The following PLCXD1 variants were observed in gnomAD, a reference collection of about 807,000 sequenced individuals.
The protein encoded by PLCXD1 is PI-PLC X domain-containing protein 1.
In PLCXD1, 45 loss-of-function variants were observed where a neutral mutation model predicts 37.8. The observed-to-expected ratio is 1.19, with a 90% CI of 0.94 to 1.53. The LOEUF (loss-of-function observed/expected upper bound fraction) is 1.53. Ranked by LOEUF, PLCXD1 falls within the 40% of genes most tolerant of loss-of-function variation. PLCXD1 has a pLI of 0.00. For missense variants in PLCXD1, 539 were observed against 454.7 expected (o/e 1.19, Z -1.69); for synonymous variants, 246 against 206.9 (o/e 1.19, Z -1.62).
intron 1 of PLCXD1, among the ~76,000 whole-genome samples, chrX:282,879 T>A (rs959779767): frequency 7.2e-6 from 1 of 138,378 alleles, no homozygotes; most frequent in African/African-American, 2.6e-5. Context: ...GTATATATGT[T>A]ATGTATGTGT....
chrX:291,798 C>A, intron 5 of PLCXD1, 144 bp downstream of exon 5: 1 of 929,954 alleles, frequency 1.1e-6, no homozygotes. Flanking sequence ...CCTGCTCTCC[C>A]GCAGTGTGGG....
rs2069640600 is a variant in PLCXD1, at chrX:291,657, G to A, written c.549+3G>A. ...GGGACATGCTGTGTCCTCGTGGGGTGAGGAGGGGAAGGATATCCGCACGTC... is the reference window on the plus strand; with the variant it reads ...GGGACATGCTGTGTCCTCGTGGGGTAAGGAGGGGAAGGATATCCGCACGTC... On this transcript the variant is annotated splice_donor_region_variant and intron_variant, in intron 5 of 6. Coordinates refer to ENST00000381657, the MANE Select transcript of PLCXD1 (RefSeq NM_018390.4). 2 of 1,612,340 alleles carry A rather than the reference G, an allele frequency of 1.2e-6. No individual in the cohort carries two copies. The highest frequency in any genetic ancestry group is 1.7e-6 in the Non-Finnish European group (2 of 1,179,744).
rs1160942801 is a variant in PLCXD1, at chrX:303,305, A to G, written c.*3970A>G. ...TGTCTGTCAGGGGCGTATCCACAAA[A>G]TCACCGAATTCATACAGATCGTTTA... On this transcript the variant is annotated 3_prime_UTR_variant, in exon 7 of 7. Transcript: ENST00000381657. 1 of 152,200 alleles carries G rather than the reference A, an allele frequency of 6.6e-6. No homozygotes were observed. The highest frequency in any genetic ancestry group is 1.5e-5 in the Non-Finnish European group (1 of 68,040). The allele number at this position is 152,200 out of a possible 1,614,324, so 9.4% of individuals were successfully genotyped here. A position where few individuals can be genotyped will look rare whatever the true frequency, so the allele number is the denominator to read the frequency against.
intron 3 of PLCXD1, among the ~76,000 whole-genome samples, chrX:289,397 T>C (rs927431042): frequency 1.3e-5 from 2 of 148,980 alleles, no homozygotes; most frequent in East Asian, 2.1e-4. Flanking sequence ...CAGCATTTTA[T>C]TAAATGGCGT....
At chrX:289,927 G>A (rs1293459278) in intron 3 of PLCXD1, among the ~76,000 whole-genome samples, 1 of 152,108 alleles carries the variant, frequency 6.6e-6, no homozygotes, top group Non-Finnish European at 1.5e-5. Flanking sequence ...CTGGGAAACA[G>A]GGAGACAGGC....
chrX:289,514 T>TCC (rs1324686879), intron 3 of PLCXD1, among the ~76,000 whole-genome samples: 7 of 80,356 alleles, frequency 8.7e-5, no homozygotes, highest in Non-Finnish European at 1.5e-4. Flanking sequence ...TTCTTTCTTT[T>TCC]TCTTTTTTTT....
rs1290688494 is a variant in PLCXD1 at position 302,336 on chromosome X, T to G, written c.*3001T>G. On this transcript the variant is annotated 3_prime_UTR_variant, in exon 7 of 7. Coordinates refer to ENST00000381657, the MANE Select transcript of PLCXD1 (RefSeq NM_018390.4). ...CTCGCACACCGGTTTTCTGCACAGG[T>G]TTCTTTCTGCCTCTGAAGCGTGAAC... is the stretch of plus-strand genomic sequence containing the variant. The G allele has an allele frequency of 1.3e-5, 2 of 152,004 alleles. No homozygotes were observed. Among genetic ancestry groups the G allele is most frequent in the African/African-American group, 4.8e-5 (2 of 41,384 alleles). 9.4% of individuals were successfully genotyped at this position (152,004 alleles called of 1,614,324 possible).
chrX:286,208 G>T (rs1167802779), intron 2 of PLCXD1, among the ~76,000 whole-genome samples: 1 of 152,030 alleles, frequency 6.6e-6, no homozygotes, highest in East Asian at 1.9e-4. Flanking sequence ...GGGATTACAG[G>T]CACGCTCCAC....
rs770965699 is a variant in PLCXD1 at position 283,806 on chromosome X, A to G, written c.-21-361A>G. The G allele has an allele frequency of 3.7e-5, 7 of 187,014 alleles. No individual in the cohort carries two copies. In the South Asian group the frequency reaches 5.2e-4, roughly 14 times the overall value. The allele number at this position is 187,014 out of a possible 1,614,324, so 11.6% of individuals were successfully genotyped here. ...GCCGGGTCTAAGAGCCAGGGCTTTCACGCTAGACAAGAAACATTTTTTGGA... is the reference window on the plus strand; with the variant it reads ...GCCGGGTCTAAGAGCCAGGGCTTTCGCGCTAGACAAGAAACATTTTTTGGA... On this transcript the variant is annotated intron_variant, in intron 1 of 6. Coordinates refer to ENST00000381657, the MANE Select transcript of PLCXD1 (RefSeq NM_018390.4).
intron 2 of PLCXD1, among the ~76,000 whole-genome samples, chrX:286,130 C>T (rs7058156): frequency 0.73 from 111,130 of 151,392 alleles, 41,044 homozygotes; most frequent in African/African-American, 0.79. Context: ...AGTGGCTCCA[C>T]CTCAGCTCAT....
chrX:280,382 C>A (rs2069240682), upstream of PLCXD1, among the ~76,000 whole-genome samples: 2 of 57,798 alleles, frequency 3.5e-5, no homozygotes, highest in East Asian at 5.1e-4. Flanking sequence ...GGAAGGGAGG[C>A]CGTGCAGGGG....
chrX:292,271 C>A (rs7889205), intron 5 of PLCXD1, among the ~76,000 whole-genome samples: 1 of 151,450 alleles, frequency 6.6e-6, no homozygotes, highest in South Asian at 2.1e-4. Context: ...CTGGCTAACA[C>A]GGTGAAACCC....
chrX:287,351 T>C (rs950781028), intron 2 of PLCXD1, among the ~76,000 whole-genome samples: 2 of 144,674 alleles, frequency 1.4e-5, no homozygotes, highest in African/African-American at 2.5e-5. Context: ...TGTGGATATA[T>C]ATTTTATATA....
At position 300,618 on chromosome X, in the gene PLCXD1, A is replaced by G. The variant is rs1214601701; in HGVS notation, c.*1283A>G. The G allele has an allele frequency of 2.0e-5, 3 of 152,004 alleles. No homozygotes were observed. The highest frequency in any genetic ancestry group is 3.9e-4 in the East Asian group (2 of 5,162). 9.4% of individuals were successfully genotyped at this position (152,004 alleles called of 1,614,324 possible). ...CATGTATATGTGTGTATGCGTGTAT[A>G]CGTGTATGTATACATGTATATGTGT... On this transcript the variant is annotated 3_prime_UTR_variant, in exon 7 of 7. Transcript: ENST00000381657.
rs199550625 is a variant in PLCXD1 at position 284,258 on chromosome X, T to G, written c.71T>G (p.Met24Arg). ...LHCRNANEDWMSALCPRLWDV... is the reference protein window; with the variant it reads ...LHCRNANEDWRSALCPRLWDV... ...TGCAGAAATGCCAACGAGGACTGGA[T>G]GTCGGCACTGTGTCCCCGGCTCTGG... The change falls in exon 2 of 7, where the codon ATG becomes AGG. Residue 24 changes from methionine to arginine, a missense_variant. By Grantham distance (91) the Met-to-Arg change is moderately conservative (BLOSUM62 -1). Coordinates refer to ENST00000381657, the MANE Select transcript of PLCXD1 (RefSeq NM_018390.4). The G allele has an allele frequency of 6.8e-6, 11 of 1,613,230 alleles. No individual in the cohort carries two copies. The highest frequency in any genetic ancestry group is 8.5e-6 in the Non-Finnish European group (10 of 1,179,474).
chrX:300,416 G>GTA lies in PLCXD1; in HGVS notation c.*1087_*1088dup, dbSNP rs2069967628. Reference sequence around the variant, plus strand: ...TTTATGTGTCTGTGTGTATATATGTGTATATATCGGTGTGTATATATGTAT... The same window carrying GTA: ...TTTATGTGTCTGTGTGTATATATGTGTATATATATCGGTGTGTATATATGTAT... On this transcript the variant is annotated 3_prime_UTR_variant, in exon 7 of 7. Transcript: ENST00000381657. 1 of 149,292 alleles carries GTA rather than the reference G, an allele frequency of 6.7e-6. No individual in the cohort carries two copies. Among genetic ancestry groups the GTA allele is most frequent in the Non-Finnish European group, 1.5e-5 (1 of 67,458 alleles). 9.2% of individuals were successfully genotyped at this position (149,292 alleles called of 1,614,324 possible).
intron 5 of PLCXD1, 151 bp from the exon 6 acceptor site, chrX:292,884 A>C: frequency 1.8e-6 from 1 of 547,764 alleles, no homozygotes; most frequent in Non-Finnish European, 3.3e-6. Context: ...AAGTGCTGGG[A>C]TTACAGGCGT....
At chrX:276,656 G>A (rs147093244), upstream of PLCXD1, among the ~76,000 whole-genome samples, 2,222 of 152,276 alleles carry the variant, frequency 0.015, 38 homozygotes, top group African/African-American at 0.04. Context: ...GGTCAGAGCC[G>A]CGGAGCCAGT....
At chrX:283,654 T>TCAGGCCCGGGTGGGGGCGGCCGTGGTGC (rs1569564388) in intron 1 of PLCXD1, 4 of 76,042 alleles carry the variant, frequency 5.3e-5, no homozygotes, top group African/African-American at 2.2e-4. Context: ...GGCCTTGGTG[T>TCAGGCCCGGGTGGGGGCGGCCGTGGTGC]CAGGCCCGGG....
Sources: allele counts gnomAD v4.1 joint callset (sites outside exome capture counted in the v4.1 genomes callset), GRCh38; gene constraint gnomAD v4.1.1; transcripts MANE v1.5; gene names NCBI Gene and HGNC (gene_info 2026-07-23, HGNC 2026-07-21).